The following NLRC5 variants were observed in gnomAD, a reference collection of about 807,000 sequenced individuals.
The protein encoded by NLRC5 is NLR family CARD domain containing 5.
A neutral mutation model predicts 206.9 loss-of-function variants in NLRC5; 114 were observed. The ratio of observed to expected loss-of-function variants is 0.55; its 90% confidence interval spans 0.47 to 0.64. The LOEUF (loss-of-function observed/expected upper bound fraction) is 0.64, where lower values mean the gene tolerates loss of function less well. Ranked by LOEUF, NLRC5 falls within the 30% of genes least tolerant of loss-of-function variation. The pLI, the probability that NLRC5 is intolerant of heterozygous loss-of-function variation, is 0.00. For missense variants in NLRC5, 2,008 were observed against 2,305.5 expected, an observed-to-expected ratio of 0.87 and a Z score of 2.64; for synonymous variants, 952 against 962.8, an observed-to-expected ratio of 0.99 and a Z score of 0.21.
intron 38 of NLRC5, among the ~76,000 whole-genome samples, chr16:57,073,065 T>C (rs1294233987): frequency 2.6e-5 from 4 of 152,182 alleles, no homozygotes; most frequent in African/African-American, 7.2e-5. Context: ...ATTTAGGGGA[T>C]TGGAGGCCCA....
intron 4 of NLRC5, 65 bp downstream of exon 4, chr16:57,022,380 T>TGGA (rs2142974495): frequency 7.1e-7 from 1 of 1,401,948 alleles, no homozygotes; most frequent in Non-Finnish European, 1.0e-6. Flanking sequence ...ACTTCCAAGC[T>TGGA]GGAGGAGGCT....
chr16:57,058,200 G>A (rs2065942306), intron 28 of NLRC5, 52 bp downstream of exon 28: 3 of 1,487,712 alleles, frequency 2.0e-6, no homozygotes, highest in Middle Eastern at 1.7e-4. Flanking sequence ...GGCTCCCCTA[G>A]GCCAAAAGCA....
In NLRC5 at chr16:57,030,173, T is replaced by C. The variant is rs1298728266; in HGVS notation, c.2417+89T>C. On this transcript the variant is annotated intron_variant, in intron 10 of 48. Transcript: ENST00000688547. ...TGGGAAATGGAGGAGGCCCCTCGTC[T>C]GCAGGATAAATCTGTGCATACCCTA... 1.1e-4 allele frequency: 121 copies of C among 1,091,358 alleles called. 1 individual carries two copies. Among genetic ancestry groups the C allele is most frequent in the South Asian group, 8.3e-4 (63 of 76,242 alleles). 67.6% of individuals were successfully genotyped at this position (1,091,358 alleles called of 1,614,324 possible).
At chr16:57,010,617 C>G (rs1170804453) in intron 1 of NLRC5, among the ~76,000 whole-genome samples, 3 of 152,202 alleles carry the variant, frequency 2.0e-5, no homozygotes, top group Non-Finnish European at 2.9e-5. Context: ...AAGCTATCCT[C>G]CCACCTCGGC....
rs149267660 is a variant in NLRC5, at chr16:56,997,949, T to C, written c.-128+8332T>C. ...CTGCATACAAAGCATTACTCCTGCTTGACATATACACAAACCATGGCCCAA... is the reference window on the plus strand; with the variant it reads ...CTGCATACAAAGCATTACTCCTGCTCGACATATACACAAACCATGGCCCAA... On this transcript the variant is annotated intron_variant, in intron 1 of 48. Transcript: ENST00000688547. Among the ~76,000 whole-genome samples the C allele has an allele frequency of 2.1e-3, 318 of 152,294 alleles. 2 individuals carry two copies. The South Asian group carries it at 0.022, about 11-fold the overall frequency.
intron 1 of NLRC5, among the ~76,000 whole-genome samples, chr16:57,015,687 G>C (rs1392751909): frequency 1.3e-5 from 2 of 151,856 alleles, no homozygotes; most frequent in East Asian, 3.8e-4. Context: ...CAGCACTTTG[G>C]GAGGCCGAGG....
rs754192584 is a variant in NLRC5 at position 57,074,698 on chromosome 16, G to A, written c.4751+15G>A. On this transcript the variant is annotated intron_variant, in intron 39 of 48. Coordinates refer to ENST00000688547, the MANE Select transcript of NLRC5 (RefSeq NM_001384950.1). ...CAGAGCCTCAGGTGAGTGACCGAGC[G>A]GCCCCATGGGAATGAGTGGGAAGAA... is the stretch of plus-strand genomic sequence containing the variant. 122 of 1,612,360 alleles carry A rather than the reference G, an allele frequency of 7.6e-5. 2 individuals carry two copies. The highest frequency in any genetic ancestry group is 7.0e-4 in the South Asian group (64 of 91,032).
rs573856733 is a variant in NLRC5 at position 57,005,057 on chromosome 16, C to G, written c.-127-12017C>G. Among the ~76,000 whole-genome samples, 3 of 152,256 alleles carry G rather than the reference C, an allele frequency of 2.0e-5. No homozygotes were observed. In the East Asian group the frequency reaches 5.8e-4, roughly 29 times the overall value. On this transcript the variant is annotated intron_variant, in intron 1 of 48. Coordinates refer to ENST00000688547, the MANE Select transcript of NLRC5 (RefSeq NM_001384950.1). ...TTCTCTCAGCGCCCCCATTTGATTA[C>G]TCGGCCTCAGGGGTGCACTGGGGAT...
chr16:57,055,068 C>T lies in NLRC5; in HGVS notation c.3633C>T (p.Asn1211=), dbSNP rs779151432. ...ATGCAACTTTGCACTTCAGATCCAA[C>T]GAGGAGGAGGAAGGCGTGTGCTGTG... The part of the protein sequence containing the change: ...LHHATLHFRS[N]EEEEGVCCGR... Residue 1211 remains asparagine (N), a synonymous_variant, in exon 26 of 49, where the codon AAC becomes AAT. Coordinates refer to ENST00000688547, the MANE Select transcript of NLRC5 (RefSeq NM_001384950.1). The T allele has an allele frequency of 1.9e-5, 31 of 1,614,220 alleles. No individual in the cohort carries two copies. Among genetic ancestry groups the T allele is most frequent in the African/African-American group, 5.3e-5 (4 of 75,062 alleles).
chr16:56,990,179 C>A (rs936546531), intron 1 of NLRC5, among the ~76,000 whole-genome samples: 1 of 151,930 alleles, frequency 6.6e-6, no homozygotes, highest in Non-Finnish European at 1.5e-5. Context: ...TGGACAGTCA[C>A]GACCCCAAGG....
intron 1 of NLRC5, chr16:56,992,223 A>G (rs535685893): frequency 2.0e-5 from 3 of 152,334 alleles, no homozygotes; most frequent in African/African-American, 4.8e-5. Context: ...GAACTGCGAG[A>G]GAAGAAATCT....
At chr16:57,058,571 A>G in intron 28 of NLRC5, 1 of 317,252 alleles carries the variant, frequency 3.2e-6, no homozygotes. Flanking sequence ...GGGCCTTAGG[A>G]AGTCATCCAC....
intron 20 of NLRC5, 83 bp from the exon 21 acceptor site, chr16:57,045,365 C>T (rs1010286311): frequency 7.0e-6 from 10 of 1,420,432 alleles, no homozygotes; most frequent in Non-Finnish European, 5.0e-6. Context: ...GCCCTCCTTG[C>T]CCTGACCAGT....
At chr16:57,019,109 A>T (rs2060387181) in intron 2 of NLRC5, among the ~76,000 whole-genome samples, 1 of 152,184 alleles carries the variant, frequency 6.6e-6, no homozygotes, top group Non-Finnish European at 1.5e-5. Flanking sequence ...TAAGAGTTCC[A>T]GTTCGGCCAT....
chr16:57,008,645 A>T (rs1203758461), intron 1 of NLRC5, among the ~76,000 whole-genome samples: 2 of 152,230 alleles, frequency 1.3e-5, no homozygotes, highest in African/African-American at 4.8e-5. Context: ...TTATTAAATT[A>T]CTCCATTCCA....
intron 1 of NLRC5, chr16:57,014,231 C>A (rs977832762): frequency 3.8e-5 from 6 of 158,470 alleles, no homozygotes; most frequent in Non-Finnish European, 5.5e-5. Context: ...CCACTTATTT[C>A]CCCCCTTTTT....
chr16:57,070,698 G>C, intron 38 of NLRC5, 80 bp downstream of exon 38: 1 of 1,250,952 alleles, frequency 8.0e-7, no homozygotes, highest in Non-Finnish European at 1.2e-6. Context: ...TGGTGGGGTT[G>C]GTTAATGGAT....
intron 1 of NLRC5, chr16:57,013,809 T>G: frequency 1.4e-6 from 1 of 703,690 alleles, no homozygotes; most frequent in Non-Finnish European, 2.6e-6. Context: ...GCAACTGAAC[T>G]AGCAGTATCT....
chr16:57,082,395 T>G, intron 48 of NLRC5, 22 bp from the exon 49 acceptor site: 1 of 1,547,316 alleles, frequency 6.5e-7, no homozygotes, highest in Non-Finnish European at 8.9e-7. Context: ...GATGAATGAG[T>G]GCCTATATCT....
Sources: gnomAD v4.1 joint callset for allele counts (sites outside exome capture counted in the v4.1 genomes callset) on GRCh38, gnomAD v4.1.1 for gene constraint, MANE v1.5 for transcripts, NCBI Gene and HGNC (gene_info 2026-07-23, HGNC 2026-07-21) for gene names.